The following TSHR variants were observed in gnomAD, a reference collection of about 807,000 sequenced individuals.
TSHR encodes the protein thyroid stimulating hormone receptor, also known as thyrotropin receptor.
In TSHR, 51 loss-of-function variants were observed where a neutral mutation model predicts 64.1. That is an observed-to-expected ratio of 0.80 (90% CI 0.64 to 1.01). The LOEUF (loss-of-function observed/expected upper bound fraction) is 1.01, where lower values mean the gene tolerates loss of function less well. TSHR is among the 50% of genes least tolerant of loss of function. The probability of loss-of-function intolerance (pLI) is 0.00; values close to 1 mark genes in which losing one functional copy is unlikely to be tolerated. For synonymous variants in TSHR, 361 were observed against 361.9 expected (o/e 1.00, Z 0.03); for missense variants, 877 against 942.8 (o/e 0.93, Z 0.91).
chr14:81,038,547 G>C (rs1284516196), intron 1 of TSHR, among the ~76,000 whole-genome samples: 1 of 150,852 alleles, frequency 6.6e-6, no homozygotes, highest in East Asian at 1.9e-4. Context: ...ATGAAACAAA[G>C]AATTATTTTT....
chr14:81,063,124 G>A (rs1886360351), intron 2 of TSHR, among the ~76,000 whole-genome samples: 1 of 152,176 alleles, frequency 6.6e-6, no homozygotes, highest in Non-Finnish European at 1.5e-5. Flanking sequence ...TGCTGAGGCT[G>A]ACAGACCATC....
chr14:81,087,229 T>C (rs1490814038), intron 3 of TSHR, among the ~76,000 whole-genome samples: 1 of 152,232 alleles, frequency 6.6e-6, no homozygotes, highest in East Asian at 1.9e-4. Flanking sequence ...CATGTAAGCA[T>C]AGGGAATGCC....
intron 1 of TSHR, chr14:80,994,810 G>A (rs891236845): frequency 2.6e-5 from 4 of 152,278 alleles, no homozygotes; most frequent in South Asian, 4.2e-4. Context: ...CATTCAGGAC[G>A]TAGGCACGGG....
chr14:81,105,092 C>T (rs1889812399), intron 7 of TSHR: 1 of 985,198 alleles, frequency 1.0e-6, no homozygotes, highest in Admixed American at 6.2e-5. Flanking sequence ...TTTTATCACT[C>T]CTCTCTAAAA....
intron 1 of TSHR, among the ~76,000 whole-genome samples, chr14:81,022,504 C>A (rs904479789): frequency 1.3e-5 from 2 of 152,002 alleles, no homozygotes; most frequent in African/African-American, 4.8e-5. Context: ...TTGAAACTAA[C>A]CCTTAATATG....
At chr14:81,131,643 A>T (rs981696179) in intron 8 of TSHR, among the ~76,000 whole-genome samples, 1 of 152,084 alleles carries the variant, frequency 6.6e-6, no homozygotes, top group Non-Finnish European at 1.5e-5. Flanking sequence ...TTTGGCCTGC[A>T]ATGCTTTTGC....
Position 81,071,482 on chromosome 14 carries a change from T to C in TSHR, c.317+3154T>C, listed in dbSNP as rs141108175. Among the ~76,000 whole-genome samples the C allele has an allele frequency of 8.9e-3, 1,354 of 152,294 alleles. 19 individuals carry two copies. Among genetic ancestry groups the C allele is most frequent in the African/African-American group, 0.031 (1,268 of 41,556 alleles). ...TAATGTAAAATTTTTTTACCGTCATTGTTTCTTTTGGGACATCTTCATCCT... is the reference window on the plus strand; with the variant it reads ...TAATGTAAAATTTTTTTACCGTCATCGTTTCTTTTGGGACATCTTCATCCT... On this transcript the variant is annotated intron_variant, in intron 3 of 9. Coordinates refer to ENST00000298171, the MANE Select transcript of TSHR (RefSeq NM_000369.5).
chr14:81,112,062 C>G (rs1476614494), intron 8 of TSHR, among the ~76,000 whole-genome samples: 1 of 151,992 alleles, frequency 6.6e-6, no homozygotes, highest in Non-Finnish European at 1.5e-5. Context: ...GTGAAACTGC[C>G]TGAAAATGCT....
intron 7 of TSHR, among the ~76,000 whole-genome samples, chr14:81,097,961 A>C (rs2140002839): frequency 6.9e-6 from 1 of 144,730 alleles, no homozygotes; most frequent in Non-Finnish European, 1.5e-5. Context: ...CTATCGAGTA[A>C]GGTGATACTT....
chr14:81,076,960 G>A (rs1472600238), intron 3 of TSHR, among the ~76,000 whole-genome samples: 4 of 151,968 alleles, frequency 2.6e-5, no homozygotes, highest in African/African-American at 9.7e-5. Context: ...TTGGTTTTTT[G>A]AACAGTCCAA....
At chr14:80,970,592 A>G (rs1887541651) in intron 1 of TSHR, among the ~76,000 whole-genome samples, 1 of 152,098 alleles carries the variant, frequency 6.6e-6, no homozygotes, top group African/African-American at 2.4e-5. Context: ...GTGTTGTAAG[A>G]CCTGCTGGGC....
intron 1 of TSHR, among the ~76,000 whole-genome samples, chr14:80,971,786 G>A (rs920342513): frequency 1.3e-5 from 2 of 152,080 alleles, no homozygotes; most frequent in African/African-American, 4.8e-5. Flanking sequence ...AAGAAGCCTT[G>A]GATTTCTGTT....
chr14:81,085,657 C>T (rs1335395830), intron 3 of TSHR, among the ~76,000 whole-genome samples: 2 of 152,180 alleles, frequency 1.3e-5, no homozygotes, highest in East Asian at 1.9e-4. Flanking sequence ...TTTTCTTTCA[C>T]TCTGACGTTC....
intron 8 of TSHR, among the ~76,000 whole-genome samples, chr14:81,136,997 C>T (rs1891480952): frequency 1.3e-5 from 2 of 152,306 alleles, no homozygotes; most frequent in Middle Eastern, 3.4e-3. Context: ...ATACTTATGA[C>T]TCCACCCTTG....
chr14:80,961,115 T>G (rs561801235), intron 1 of TSHR, among the ~76,000 whole-genome samples: 8 of 152,358 alleles, frequency 5.3e-5, no homozygotes, highest in Admixed American at 1.3e-4. Flanking sequence ...CCTTCTAATA[T>G]TCCACACAAC....
chr14:81,027,870 C>T (rs547776647), intron 1 of TSHR, among the ~76,000 whole-genome samples: 7 of 151,786 alleles, frequency 4.6e-5, no homozygotes, highest in Non-Finnish European at 8.8e-5. Context: ...AAATCAGGAG[C>T]GAGAGGGAAA....
At position 81,143,591 on chromosome 14, in the gene TSHR, G is replaced by A. The variant is rs372373576; in HGVS notation, c.1533G>A (p.Thr511=). The change falls in exon 10 of 10, where the codon ACG becomes ACA. Residue 511 remains threonine (T), a synonymous_variant. Transcript: ENST00000298171. ...TVFASELSVY[T]LTVITLERWY... ...TTGCAAGCGAGTTATCGGTGTATACGCTGACGGTCATCACCCTGGAGCGCT... is the reference window on the plus strand; with the variant it reads ...TTGCAAGCGAGTTATCGGTGTATACACTGACGGTCATCACCCTGGAGCGCT... 1.9e-5 allele frequency: 31 copies of A among 1,613,300 alleles called. No homozygotes were observed. In the African/African-American group the frequency reaches 2.3e-4, roughly 12 times the overall value.
Position 81,143,451 on chromosome 14 carries a change from A to G in TSHR, c.1393A>G (p.Met465Val), listed in dbSNP as rs2140110988. The G allele has an allele frequency of 6.2e-7, 1 of 1,613,916 alleles. No individual in the cohort carries two copies. Among genetic ancestry groups the G allele is most frequent in the Non-Finnish European group, 8.5e-7 (1 of 1,179,986 alleles). The change falls in exon 10 of 10, where the codon ATG becomes GTG. Residue 465 changes from methionine to valine, a missense_variant. By Grantham distance (21) the Met-to-Val change is conservative. Coordinates refer to ENST00000298171, the MANE Select transcript of TSHR (RefSeq NM_000369.5). ...NLAFADFCMG[M>V]YLLLIASVDL... The stretch of plus-strand genomic sequence containing the variant: ...GGCCTTTGCGGATTTCTGCATGGGG[A>G]TGTACCTGCTCCTCATCGCCTCTGT...
intron 1 of TSHR, among the ~76,000 whole-genome samples, chr14:81,034,212 T>G (rs1484825501): frequency 2.0e-5 from 3 of 152,242 alleles, no homozygotes; most frequent in Non-Finnish European, 4.4e-5. Context: ...CCTCTCTTTA[T>G]CTTCAGAAAC....
Sources: allele counts gnomAD v4.1 joint callset (sites outside exome capture counted in the v4.1 genomes callset), GRCh38; gene constraint gnomAD v4.1.1; transcripts MANE v1.5; gene names NCBI Gene and HGNC (gene_info 2026-07-23, HGNC 2026-07-21).